Variants in XIRP2 observed in about 807,000 individuals in gnomAD.
The protein encoded by XIRP2 is xin actin-binding repeat-containing protein 2.
XIRP2 carries 236 observed loss-of-function variants against 277.0 expected under a neutral mutation model. The observed-to-expected ratio is 0.85, with a 90% confidence interval of 0.77 to 0.95. The LOEUF is 0.95. XIRP2 is among the 40% of genes least tolerant of loss of function. The pLI, the probability that XIRP2 is intolerant of heterozygous loss-of-function variation, is 0.00. For synonymous variants in XIRP2, 1,490 were observed against 1,416.5 expected, an observed-to-expected ratio of 1.05 and a Z score of -1.17; for missense variants, 4,640 against 4,157.5, an observed-to-expected ratio of 1.12 and a Z score of -3.19.
chr2:167,243,448 G>A lies in XIRP2; in HGVS notation c.2056G>A (p.Gly686Arg), dbSNP rs929632931. 2 of 1,613,736 alleles carry A rather than the reference G, an allele frequency of 1.2e-6. No individual in the cohort carries two copies. Among genetic ancestry groups the A allele is most frequent in the African/African-American group, 1.3e-5 (1 of 74,860 alleles). ...GGTAACTATCAGTAAGGACATAACT[G>A]GGGGGGATGTCAAGACTGTGAGATA... ...SAVTISKDIT[G>R]GDVKTVRYMF... Residue 686 changes from glycine (G) to arginine (R), a missense_variant, in exon 9 of 11, where the codon GGG becomes AGG. Transcript: ENST00000409195.
intron 2 of XIRP2, among the ~76,000 whole-genome samples, chr2:166,974,998 A>G (rs1686674149): frequency 6.6e-6 from 1 of 152,140 alleles, no homozygotes; most frequent in South Asian, 2.1e-4. Context: ...CTAATACAAG[A>G]CAAAATAGAC....
intron 1 of XIRP2, chr2:166,889,584 A>C (rs948274388): frequency 6.5e-6 from 1 of 152,694 alleles, no homozygotes; most frequent in African/African-American, 2.4e-5. Flanking sequence ...TCTTCCTTGC[A>C]GCCTTCTCCC....
At chr2:166,915,469 C>G (rs1374295327) in intron 2 of XIRP2, among the ~76,000 whole-genome samples, 1 of 151,752 alleles carries the variant, frequency 6.6e-6, no homozygotes, top group Non-Finnish European at 1.5e-5. Flanking sequence ...CTCTGGTTGC[C>G]CAGTTTAGAA....
intron 2 of XIRP2, among the ~76,000 whole-genome samples, chr2:167,108,249 C>T (rs753427431): frequency 6.6e-6 from 1 of 151,724 alleles, no homozygotes; most frequent in African/African-American, 2.4e-5. Flanking sequence ...TTTTTCTTTA[C>T]CCTGCTAGAG....
chr2:167,214,094 G>A (rs1694147637), intron 4 of XIRP2, among the ~76,000 whole-genome samples: 1 of 15,362 alleles, frequency 6.5e-5, no homozygotes, highest in Admixed American at 8.4e-4. Context: ...AAGAAAGAAA[G>A]AAGGAAGGAA....
intron 2 of XIRP2, among the ~76,000 whole-genome samples, chr2:167,129,073 G>GA (rs1691299118): frequency 6.6e-6 from 1 of 151,950 alleles, no homozygotes; most frequent in Non-Finnish European, 1.5e-5. Flanking sequence ...AAGGACTTCT[G>GA]AAAAAATAAA....
chr2:167,119,265 TCTTGG>T (rs1690983929), intron 2 of XIRP2, among the ~76,000 whole-genome samples: 1 of 152,202 alleles, frequency 6.6e-6, no homozygotes, highest in African/African-American at 2.4e-5. Context: ...AACATTGGCA[TCTTGG>T]AAGGTGTTTT....
At chr2:166,982,326 T>TA (rs1302808425) in intron 2 of XIRP2, among the ~76,000 whole-genome samples, 5,347 of 136,130 alleles carry the variant, frequency 0.039, 144 homozygotes, top group African/African-American at 0.081. Context: ...GTTTTTTTTT[T>TA]TAAAAAAAAA....
intron 2 of XIRP2, among the ~76,000 whole-genome samples, chr2:166,923,601 G>A (rs1685109388): frequency 6.6e-6 from 1 of 152,050 alleles, no homozygotes; most frequent in Non-Finnish European, 1.5e-5. Context: ...GAAGAGAACT[G>A]CCTTCAGATA....
chr2:167,221,974 C>T (rs924947243), intron 5 of XIRP2, among the ~76,000 whole-genome samples: 1 of 152,102 alleles, frequency 6.6e-6, no homozygotes, highest in Non-Finnish European at 1.5e-5. Context: ...TGTTTGCTTC[C>T]TAATGTACTG....
In XIRP2 at chr2:167,243,023, A is replaced by G; in HGVS notation, c.1631A>G (p.Tyr544Cys). ...SVSADVQQAR[Y>C]VFENTNDSSQ... ...TCAGCAGATGTGCAACAAGCCCGGTATGTTTTTGAAAACACAAATGACAGT... is the reference window on the plus strand; with the variant it reads ...TCAGCAGATGTGCAACAAGCCCGGTGTGTTTTTGAAAACACAAATGACAGT... The change falls in exon 9 of 11, where the codon TAT becomes TGT. Residue 544 changes from tyrosine (Y) to cysteine (C), a missense_variant. Tyr to Cys is a radical substitution (Grantham distance 194). Coordinates refer to ENST00000409195, the MANE Select transcript of XIRP2 (RefSeq NM_152381.6). The G allele has an allele frequency of 1.9e-6, 3 of 1,614,088 alleles. No homozygotes were observed. Among genetic ancestry groups the G allele is most frequent in the South Asian group, 1.1e-5 (1 of 91,078 alleles).
chr2:167,011,345 T>C (rs1215792401), intron 2 of XIRP2, among the ~76,000 whole-genome samples: 2 of 151,670 alleles, frequency 1.3e-5, no homozygotes, highest in Non-Finnish European at 2.9e-5. Context: ...GGTTTTTGTC[T>C]TTGGTTCTGT....
At chr2:167,070,309 G>T (rs1689406479) in intron 2 of XIRP2, among the ~76,000 whole-genome samples, 1 of 151,952 alleles carries the variant, frequency 6.6e-6, no homozygotes. Context: ...CCTTTATTTA[G>T]TATTTTTGGC....
chr2:167,154,664 C>G (rs1432051653), intron 3 of XIRP2, among the ~76,000 whole-genome samples: 3 of 151,790 alleles, frequency 2.0e-5, no homozygotes, highest in Non-Finnish European at 4.4e-5. Context: ...AAATTGACAC[C>G]CTAACATCAC....
intron 3 of XIRP2, among the ~76,000 whole-genome samples, chr2:167,201,671 T>G (rs1693725952): frequency 6.6e-6 from 1 of 152,174 alleles, no homozygotes; most frequent in Non-Finnish European, 1.5e-5. Context: ...CTTGTAATAA[T>G]GAAAAACAGC....
At chr2:167,096,500 C>G (rs1352419776) in intron 2 of XIRP2, among the ~76,000 whole-genome samples, 1 of 152,072 alleles carries the variant, frequency 6.6e-6, no homozygotes, top group Non-Finnish European at 1.5e-5. Flanking sequence ...AAAAAACCAG[C>G]TCATGAATTC....
rs566928674 is a variant in XIRP2, at chr2:167,033,377, G to A, written c.409-102532G>A. 2.8e-4 allele frequency among the ~76,000 whole-genome samples: 43 copies of A among 152,136 alleles called. 1 individual carries two copies. Among genetic ancestry groups the A allele is most frequent in the East Asian group, 1.9e-4 (1 of 5,154 alleles). ...TGGGTGCAACAAACCACCATGGCAC[G>A]TGTATACCTGTGAAATAAACATGCA... On this transcript the variant is annotated intron_variant, in intron 2 of 10. Coordinates refer to ENST00000409195, the MANE Select transcript of XIRP2 (RefSeq NM_152381.6).
chr2:166,994,797 G>C (rs1429836934), intron 2 of XIRP2, among the ~76,000 whole-genome samples: 1 of 151,792 alleles, frequency 6.6e-6, no homozygotes, highest in Non-Finnish European at 1.5e-5. Flanking sequence ...TTATGTAAAT[G>C]ATGATGTCAT....
At chr2:166,966,369 A>C (rs1176457864) in intron 2 of XIRP2, among the ~76,000 whole-genome samples, 2 of 151,808 alleles carry the variant, frequency 1.3e-5, no homozygotes, top group African/African-American at 4.8e-5. Flanking sequence ...GATATACCTA[A>C]ATTTGAAAAT....
Sources: allele counts gnomAD v4.1 joint callset (sites outside exome capture counted in the v4.1 genomes callset), GRCh38; gene constraint gnomAD v4.1.1; transcripts MANE v1.5; gene names NCBI Gene and HGNC (gene_info 2026-07-23, HGNC 2026-07-21).